GALNT13: variants seen among roughly 807,000 people sequenced by gnomAD.
GALNT13 encodes the protein UDP-GalNAc:polypeptide N-acetylgalactosaminyltransferase 13.
GALNT13 carries 28 observed loss-of-function variants against 64.2 expected under a neutral mutation model. That is an observed-to-expected ratio of 0.44 (90% CI 0.32 to 0.60). The LOEUF (loss-of-function observed/expected upper bound fraction) is 0.60, where lower values mean the gene tolerates loss of function less well. Ranked by LOEUF, GALNT13 falls within the 20% of genes least tolerant of loss-of-function variation. The probability of loss-of-function intolerance (pLI) is 0.05; values close to 1 mark genes in which losing one functional copy is unlikely to be tolerated. For missense variants in GALNT13, 577 were observed against 669.8 expected (o/e 0.86, Z 1.53); for synonymous variants, 214 against 224.6 (o/e 0.95, Z 0.42).
At chr2:154,097,431 T>C (rs986184359) in intron 3 of GALNT13, among the ~76,000 whole-genome samples, 1 of 152,066 alleles carries the variant, frequency 6.6e-6, no homozygotes, top group Non-Finnish European at 1.5e-5. Context: ...AAGAAATATG[T>C]TAAAATAAAT....
chr2:153,523,959 A>G, the GALNT13 span, among the ~76,000 whole-genome samples: 1 of 151,996 alleles, frequency 6.6e-6, no homozygotes, highest in African/African-American at 2.4e-5. Context: ...AGTCAAGTTG[A>G]GTTATATATT....
chr2:153,497,021 GA>G, the GALNT13 span, among the ~76,000 whole-genome samples: 61 of 142,842 alleles, frequency 4.3e-4, no homozygotes, highest in Non-Finnish European at 7.7e-4. Context: ...AAAGAAAAAA[GA>G]AAAAAAAGAA....
At chr2:153,115,446 T>C in the GALNT13 span, among the ~76,000 whole-genome samples, 2 of 152,222 alleles carry the variant, frequency 1.3e-5, no homozygotes, top group Non-Finnish European at 2.9e-5. Context: ...TGAAGACCAG[T>C]AAAGCTTTTT....
chr2:153,839,472 A>G, the GALNT13 span, among the ~76,000 whole-genome samples: 1 of 151,864 alleles, frequency 6.6e-6, no homozygotes, highest in African/African-American at 2.4e-5. Flanking sequence ...TCATGAAAAG[A>G]CATTGAATTT....
intron 3 of GALNT13, among the ~76,000 whole-genome samples, chr2:154,126,805 A>G (rs1372965758): frequency 6.6e-6 from 1 of 152,144 alleles, no homozygotes; most frequent in African/African-American, 2.4e-5. Flanking sequence ...GCATGTACCA[A>G]TGGAGGTTGA....
intron 9 of GALNT13, among the ~76,000 whole-genome samples, chr2:154,368,501 G>C (rs76306904): frequency 6.6e-6 from 1 of 152,074 alleles, no homozygotes; most frequent in African/African-American, 2.4e-5. Flanking sequence ...TTCATTGTTC[G>C]TAGAGTAAAA....
chr2:153,451,797 A>G, the GALNT13 span, among the ~76,000 whole-genome samples: 7 of 152,192 alleles, frequency 4.6e-5, no homozygotes, highest in African/African-American at 7.2e-5. Flanking sequence ...TCTCACTGCA[A>G]TTAGAGTTCT....
At chr2:154,423,400 G>C in intron 11 of GALNT13, among the ~76,000 whole-genome samples, 1 of 152,156 alleles carries the variant, frequency 6.6e-6, no homozygotes, top group Non-Finnish European at 1.5e-5. Flanking sequence ...ATAGTAGCAT[G>C]ATTTGTAATC....
At chr2:153,576,599 T>A in the GALNT13 span, among the ~76,000 whole-genome samples, 1 of 152,178 alleles carries the variant, frequency 6.6e-6, no homozygotes, top group Admixed American at 6.5e-5. Flanking sequence ...ATAGATGCTG[T>A]CTGCACCATG....
chr2:153,333,342 G>A, the GALNT13 span, among the ~76,000 whole-genome samples: 1 of 152,116 alleles, frequency 6.6e-6, no homozygotes, highest in Non-Finnish European at 1.5e-5. Context: ...GTCACGGAGG[G>A]AGGTGCTCTT....
At chr2:154,245,646 A>G (rs1689740417) in intron 6 of GALNT13, among the ~76,000 whole-genome samples, 166 bp from the exon 7 acceptor site, 1 of 152,228 alleles carries the variant, frequency 6.6e-6, no homozygotes, top group African/African-American at 2.4e-5. Context: ...AGGAATATGT[A>G]GTCAAAGGAA....
chr2:153,478,238 A>G, the GALNT13 span: 1 of 1,609,982 alleles, frequency 6.2e-7, no homozygotes, highest in South Asian at 1.1e-5. Flanking sequence ...AGGGCGGGTC[A>G]GTAGGGCCCC....
At chr2:154,145,203 CCTCT>C (rs1442974953) in intron 4 of GALNT13, among the ~76,000 whole-genome samples, 1 of 148,276 alleles carries the variant, frequency 6.7e-6, no homozygotes, top group Non-Finnish European at 1.5e-5. Context: ...TGTAACCAGC[CCTCT>C]CTCTCCTTTG....
intron 10 of GALNT13, among the ~76,000 whole-genome samples, chr2:154,407,416 A>G (rs548910772): frequency 6.6e-6 from 1 of 152,252 alleles, no homozygotes; most frequent in African/African-American, 2.4e-5. Context: ...ATATAATTTG[A>G]TCAGACTATG....
the GALNT13 span, among the ~76,000 whole-genome samples, chr2:153,586,270 G>A: frequency 2.0e-5 from 3 of 152,122 alleles, no homozygotes; most frequent in East Asian, 5.8e-4. Context: ...ATGGGTAAAA[G>A]ACCATGATCC....
chr2:153,239,377 A>G, the GALNT13 span, among the ~76,000 whole-genome samples: 3 of 152,154 alleles, frequency 2.0e-5, no homozygotes, highest in African/African-American at 4.8e-5. Flanking sequence ...GCAATATTGA[A>G]TAACAGTGGT....
At chr2:154,071,905 G>A (rs1415423131) in intron 3 of GALNT13, among the ~76,000 whole-genome samples, 4 of 152,048 alleles carry the variant, frequency 2.6e-5, no homozygotes, top group Non-Finnish European at 5.9e-5. Context: ...TAGACAAGAA[G>A]CACAAGAAGA....
At chr2:153,159,494 T>G in the GALNT13 span, 2 of 152,326 alleles carry the variant, frequency 1.3e-5, no homozygotes, top group Admixed American at 1.3e-4. Context: ...TCTTCAGGAA[T>G]GGCTGCATCG....
chr2:153,398,532 T>C, the GALNT13 span, among the ~76,000 whole-genome samples: 72 of 151,858 alleles, frequency 4.7e-4, no homozygotes, highest in East Asian at 9.1e-3. Flanking sequence ...AGTTTACAGT[T>C]CCACCAACAG....
Sources: allele counts gnomAD v4.1 joint callset (sites outside exome capture counted in the v4.1 genomes callset), GRCh38; gene constraint gnomAD v4.1.1; transcripts MANE v1.5; gene names NCBI Gene and HGNC (gene_info 2026-07-23, HGNC 2026-07-21).